Variants in TBL1X observed in about 807,000 individuals in gnomAD.
The protein encoded by TBL1X is transducin beta like 1 X-linked.
TBL1X carries 10 observed loss-of-function variants against 50.7 expected under a neutral mutation model. The ratio of observed to expected loss-of-function variants is 0.20; its 90% CI spans 0.12 to 0.33. The LOEUF (loss-of-function observed/expected upper bound fraction) is 0.33, where lower values mean the gene tolerates loss of function less well. TBL1X is among the 10% of genes least tolerant of loss of function. TBL1X has a pLI of 1.00. For missense variants in TBL1X, 340 were observed against 504.4 expected (o/e 0.67, Z 3.12); for synonymous variants, 190 against 214.7 (o/e 0.88, Z 1.01).
At chrX:9,689,022 G>A (rs953398685) in intron 7 of TBL1X, among the ~76,000 whole-genome samples, 2 of 113,684 alleles carry the variant, frequency 1.8e-5, no homozygotes, top group Admixed American at 9.1e-5. Context: ...ATGTGTGCGT[G>A]TGTGCGTGTG....
intron 16 of TBL1X, among the ~76,000 whole-genome samples, chrX:9,713,657 AC>A (rs1314900635): frequency 1.6e-4 from 18 of 109,673 alleles, no homozygotes; most frequent in Non-Finnish European, 3.4e-4. Context: ...TGAACTCCTG[AC>A]CCCAGGCAAT....
At chrX:9,634,084 AG>A (rs2082734636) in intron 2 of TBL1X, among the ~76,000 whole-genome samples, 1 of 111,867 alleles carries the variant, frequency 8.9e-6, no homozygotes, top group Non-Finnish European at 1.9e-5. Context: ...AGGTTGTGGG[AG>A]GTAGGATTCA....
intron 7 of TBL1X, among the ~76,000 whole-genome samples, chrX:9,691,200 C>T (rs1262340158): frequency 3.6e-5 from 4 of 111,297 alleles, no homozygotes. Context: ...TTTTGGGAGG[C>T]TGGGGCAGGT....
At chrX:9,556,793 G>T (rs866495471) in intron 2 of TBL1X, among the ~76,000 whole-genome samples, 4 of 107,892 alleles carry the variant, frequency 3.7e-5, no homozygotes, top group African/African-American at 1.0e-4. Flanking sequence ...GTTTTGTTTT[G>T]TGTTTTTTGT....
At chrX:9,495,754 C>G in intron 1 of TBL1X, among the ~76,000 whole-genome samples, 1 of 112,034 alleles carries the variant, frequency 8.9e-6, no homozygotes, top group South Asian at 3.7e-4. Flanking sequence ...CATGAGACAG[C>G]ACTGCAGCAT....
chrX:9,697,244 C>G (rs757521215), intron 11 of TBL1X, 125 bp from the exon 12 acceptor site: 9 of 884,588 alleles, frequency 1.0e-5, no homozygotes, highest in Non-Finnish European at 1.4e-5. Flanking sequence ...AAGGCTCACT[C>G]TCTATCTCTA....
intron 2 of TBL1X, among the ~76,000 whole-genome samples, chrX:9,638,464 T>A (rs1187751144): frequency 8.9e-6 from 1 of 112,342 alleles, no homozygotes; most frequent in Non-Finnish European, 1.9e-5. Flanking sequence ...ATTTTTGACA[T>A]GTTTCATAAC....
At chrX:9,469,525 C>T (rs779404162) in intron 1 of TBL1X, among the ~76,000 whole-genome samples, 1 of 112,711 alleles carries the variant, frequency 8.9e-6, no homozygotes, top group Non-Finnish European at 1.9e-5. Flanking sequence ...AAAGGTATCA[C>T]CATCAGTCAC....
intron 5 of TBL1X, among the ~76,000 whole-genome samples, chrX:9,670,968 G>A (rs1000402692): frequency 3.6e-5 from 4 of 112,047 alleles, no homozygotes; most frequent in Non-Finnish European, 7.5e-5. Context: ...ATAAAATAAG[G>A]AAGACCTGAA....
intron 15 of TBL1X, among the ~76,000 whole-genome samples, chrX:9,710,999 A>G (rs1322420168): frequency 8.9e-6 from 1 of 112,216 alleles, no homozygotes; most frequent in African/African-American, 3.2e-5. Flanking sequence ...CATTTTAGGA[A>G]ACTTGATAAA....
chrX:9,501,469 T>C (rs1481484260), intron 1 of TBL1X, among the ~76,000 whole-genome samples: 1 of 111,510 alleles, frequency 9.0e-6, no homozygotes, highest in African/African-American at 3.3e-5. Context: ...ATGGCAAAGC[T>C]ATGCTTCTCT....
chrX:9,687,125 C>G (rs576154102), intron 6 of TBL1X, among the ~76,000 whole-genome samples: 9 of 112,134 alleles, frequency 8.0e-5, no homozygotes, highest in Admixed American at 1.9e-4. Context: ...TCACCTGATT[C>G]GAATATCTGG....
chrX:9,687,899 C>G (rs1266407978), intron 6 of TBL1X, 118 bp from the exon 7 acceptor site: 6 of 1,096,075 alleles, frequency 5.5e-6, no homozygotes, highest in Non-Finnish European at 7.1e-6. Flanking sequence ...CCCCTGGTTG[C>G]TGGGAGCCAG....
intron 2 of TBL1X, among the ~76,000 whole-genome samples, chrX:9,574,179 T>C: frequency 9.0e-6 from 1 of 110,606 alleles, no homozygotes; most frequent in Non-Finnish European, 1.9e-5. Flanking sequence ...ATTTGCTTGC[T>C]GTGGCTGGGT....
Position 9,684,126 on chromosome X carries a change from G to A in TBL1X, c.295G>A (p.Ala99Thr), listed in dbSNP as rs1316246048. 7.4e-6 allele frequency: 9 copies of A among 1,209,676 alleles called. No individual in the cohort carries two copies. The highest frequency in any genetic ancestry group is 1.0e-5 in the Non-Finnish European group (9 of 895,181). ...NINGTLVPPA[A>T]LISILQKGLQ... Reference sequence around the variant, plus strand: ...CAATGGGACGCTAGTGCCACCGGCCGCCCTCATCTCCATTCTCCAGAAGGG... The same window carrying A: ...CAATGGGACGCTAGTGCCACCGGCCACCCTCATCTCCATTCTCCAGAAGGG... The change falls in exon 6 of 18, where the codon GCC (alanine) becomes ACC (threonine). Residue 99 changes from alanine to threonine, a missense_variant. Coordinates refer to ENST00000645353, the MANE Select transcript of TBL1X (RefSeq NM_005647.4).
At chrX:9,497,005 T>G (rs913550528) in intron 1 of TBL1X, among the ~76,000 whole-genome samples, 35 of 112,045 alleles carry the variant, frequency 3.1e-4, no homozygotes, top group Admixed American at 3.8e-4. Flanking sequence ...ATGACACACT[T>G]ATGATTATAG....
chrX:9,568,851 T>C (rs2082367213), intron 2 of TBL1X, among the ~76,000 whole-genome samples: 1 of 109,304 alleles, frequency 9.1e-6, no homozygotes, highest in Non-Finnish European at 1.9e-5. Context: ...CGTGGCTGTG[T>C]GGTGTGCTAT....
chrX:9,714,754 C>T (rs1906605157), intron 16 of TBL1X, 148 bp from the exon 17 acceptor site: 2 of 537,031 alleles, frequency 3.7e-6, no homozygotes, highest in Admixed American at 6.0e-5. Context: ...TCTCCATGGC[C>T]CCCAGAGTCC....
intron 2 of TBL1X, among the ~76,000 whole-genome samples, chrX:9,590,920 C>T (rs2082496527): frequency 9.6e-6 from 1 of 104,603 alleles, no homozygotes; most frequent in Admixed American, 1.1e-4. Context: ...CGGGCGGACA[C>T]TTCAGGGGGC....
Sources: allele counts gnomAD v4.1 joint callset (sites outside exome capture counted in the v4.1 genomes callset), GRCh38; gene constraint gnomAD v4.1.1; transcripts MANE v1.5; gene names NCBI Gene and HGNC (gene_info 2026-07-23, HGNC 2026-07-21).